Variants in NRG1 observed in about 807,000 individuals in gnomAD.
NRG1 encodes pro-neuregulin-1, membrane-bound isoform.
Under a neutral mutation model 63.8 loss-of-function variants are expected in NRG1, and 18 were observed. The ratio of observed to expected loss-of-function variants is 0.28; its 90% confidence interval spans 0.19 to 0.42. The LOEUF (loss-of-function observed/expected upper bound fraction) is 0.42. Ranked by LOEUF, NRG1 falls within the 10% of genes least tolerant of loss-of-function variation. NRG1 has a pLI of 1.00. For synonymous variants in NRG1, 302 were observed against 301.3 expected, an observed-to-expected ratio of 1.00 and a Z score of -0.02; for missense variants, 762 against 814.7, an observed-to-expected ratio of 0.94 and a Z score of 0.79.
At chr8:32,008,631 G>A (rs141138547) in intron 1 of NRG1, among the ~76,000 whole-genome samples, 9 of 152,068 alleles carry the variant, frequency 5.9e-5, no homozygotes, top group Non-Finnish European at 8.8e-5. Context: ...TCGGTGACTC[G>A]TAATACAGAA....
At chr8:32,541,335 G>A (rs1486018954) in intron 1 of NRG1, among the ~76,000 whole-genome samples, 1 of 152,154 alleles carries the variant, frequency 6.6e-6, no homozygotes, top group Non-Finnish European at 1.5e-5. Flanking sequence ...GAAGGAAAAA[G>A]AGTAATTGTG....
chr8:31,898,897 C>G (rs937785398), intron 1 of NRG1, among the ~76,000 whole-genome samples: 2 of 151,848 alleles, frequency 1.3e-5, no homozygotes, highest in African/African-American at 4.8e-5. Context: ...TAAATTACTC[C>G]CAGTATGACA....
At chr8:32,178,280 G>A (rs1841023616) in intron 1 of NRG1, among the ~76,000 whole-genome samples, 1 of 152,074 alleles carries the variant, frequency 6.6e-6, no homozygotes, top group Admixed American at 6.6e-5. Flanking sequence ...TCATTCTGAA[G>A]GTCAAGGACA....
chr8:32,719,926 T>C (rs746636260), intron 5 of NRG1, among the ~76,000 whole-genome samples: 14 of 152,140 alleles, frequency 9.2e-5, no homozygotes, highest in Non-Finnish European at 1.8e-4. Flanking sequence ...TGAATAGTTT[T>C]ACAAAAATTG....
chr8:31,770,817 T>C (rs1382007924), intron 1 of NRG1, among the ~76,000 whole-genome samples: 1 of 149,980 alleles, frequency 6.7e-6, no homozygotes, highest in Non-Finnish European at 1.5e-5. Flanking sequence ...ACTTGTTTTG[T>C]GAATTTTGAA....
chr8:32,152,048 G>A (rs190619683), intron 1 of NRG1, among the ~76,000 whole-genome samples: 18 of 152,296 alleles, frequency 1.2e-4, no homozygotes, highest in Non-Finnish European at 2.1e-4. Context: ...AGCTATTCAC[G>A]TTGCATCACA....
intron 1 of NRG1, among the ~76,000 whole-genome samples, chr8:32,422,376 C>G (rs950814266): frequency 2.6e-5 from 4 of 152,098 alleles, no homozygotes; most frequent in Non-Finnish European, 4.4e-5. Context: ...TCAATTAAAA[C>G]AGATATCAAT....
chr8:31,742,459 T>A (rs1815388218), intron 1 of NRG1, among the ~76,000 whole-genome samples: 1 of 78,870 alleles, frequency 1.3e-5, no homozygotes, highest in Admixed American at 1.3e-4. Flanking sequence ...TTAAGAATTT[T>A]TTTTTTTTTT....
chr8:32,174,164 C>T (rs536349989), intron 1 of NRG1, among the ~76,000 whole-genome samples: 4 of 152,280 alleles, frequency 2.6e-5, no homozygotes, highest in African/African-American at 9.6e-5. Context: ...TGCAATCAAA[C>T]TAGTACTCAG....
intron 1 of NRG1, among the ~76,000 whole-genome samples, chr8:32,051,794 T>G (rs1822020200): frequency 1.3e-5 from 2 of 152,070 alleles, no homozygotes; most frequent in Non-Finnish European, 2.9e-5. Flanking sequence ...GGGATTCAAA[T>G]AAAAGACCAG....
chr8:32,116,174 G>A (rs1832685494), intron 1 of NRG1, among the ~76,000 whole-genome samples: 2 of 152,112 alleles, frequency 1.3e-5, no homozygotes, highest in African/African-American at 4.8e-5. Flanking sequence ...AAGGCTGAAA[G>A]GGCCCCATAT....
At chr8:32,431,757 A>G (rs886448167) in intron 1 of NRG1, among the ~76,000 whole-genome samples, 2 of 151,340 alleles carry the variant, frequency 1.3e-5, no homozygotes, top group Non-Finnish European at 2.9e-5. Context: ...TTTCTGAGGG[A>G]AAAAATTACA....
chr8:32,435,107 T>C (rs1175402011), intron 1 of NRG1, among the ~76,000 whole-genome samples: 2 of 152,080 alleles, frequency 1.3e-5, no homozygotes, highest in East Asian at 3.9e-4. Flanking sequence ...TTGTTAAAAA[T>C]TGGGATAGGT....
chr8:31,919,943 A>G (rs891704436), intron 1 of NRG1, among the ~76,000 whole-genome samples: 3 of 152,156 alleles, frequency 2.0e-5, no homozygotes, highest in Non-Finnish European at 4.4e-5. Flanking sequence ...TTTATATAAG[A>G]TACTTATAAA....
intron 1 of NRG1, among the ~76,000 whole-genome samples, chr8:31,712,182 C>T (rs908502953): frequency 2.7e-5 from 4 of 148,024 alleles, no homozygotes; most frequent in East Asian, 1.9e-4. Context: ...TGTGATTTCA[C>T]GCTATTATTT....
At chr8:32,542,964 AG>A (rs1442698772) in intron 1 of NRG1, among the ~76,000 whole-genome samples, 3 of 152,178 alleles carry the variant, frequency 2.0e-5, no homozygotes, top group Non-Finnish European at 4.4e-5. Flanking sequence ...CACAGAAAGA[AG>A]GTGTCAAAAT....
chr8:32,577,087 C>T (rs1839790527), intron 1 of NRG1, among the ~76,000 whole-genome samples: 1 of 152,144 alleles, frequency 6.6e-6, no homozygotes, highest in East Asian at 1.9e-4. Flanking sequence ...GTTTTCTGTT[C>T]CTGCATTAAT....
At position 32,213,499 on chromosome 8, in the gene NRG1, T is replaced by A. The variant is rs116316184; in HGVS notation, c.38-382329T>A. ...GGAGAACATCAGAATAAATAGCTAA[T>A]GCATGTTGGGCTTAATACATAGGTG... On this transcript the variant is annotated intron_variant, in intron 1 of 10. Transcript: ENST00000519301. Among the ~76,000 whole-genome samples the A allele has an allele frequency of 3.0e-3, 452 of 152,156 alleles. 2 individuals carry two copies. Among genetic ancestry groups the A allele is most frequent in the African/African-American group, 0.01 (430 of 41,524 alleles).
Position 32,383,442 on chromosome 8 carries a change from G to T in NRG1, c.38-212386G>T, listed in dbSNP as rs112275109. ...CCAGAGGGCTACCTAGCCATACCTAGGTCACATACCTAAGTAACCTGATAC... is the reference window on the plus strand; with the variant it reads ...CCAGAGGGCTACCTAGCCATACCTATGTCACATACCTAAGTAACCTGATAC... On this transcript the variant is annotated intron_variant, in intron 1 of 10. Transcript: ENST00000519301. Among the ~76,000 whole-genome samples, 381 of 152,252 alleles carry T rather than the reference G, an allele frequency of 2.5e-3. 3 individuals carry two copies. The highest frequency in any genetic ancestry group is 8.9e-3 in the African/African-American group (370 of 41,540).
Sources: gnomAD v4.1 joint callset for allele counts (sites outside exome capture counted in the v4.1 genomes callset) on GRCh38, gnomAD v4.1.1 for gene constraint, MANE v1.5 for transcripts, NCBI Gene and HGNC (gene_info 2026-07-23, HGNC 2026-07-21) for gene names.